The following LRRC4C variants were observed in gnomAD, a reference collection of about 807,000 sequenced individuals.
LRRC4C encodes leucine rich repeat containing 4C, also known as leucine-rich repeat-containing protein 4C.
LRRC4C carries 5 observed loss-of-function variants against 33.6 expected under a neutral mutation model. That is an observed-to-expected ratio of 0.15 (90% CI 0.08 to 0.31). The LOEUF (loss-of-function observed/expected upper bound fraction) is 0.31. Among genes scored for constraint, LRRC4C ranks in the 10% least tolerant of loss-of-function variants. The probability of loss-of-function intolerance (pLI) is 1.00; values close to 1 mark genes in which losing one functional copy is unlikely to be tolerated. For missense variants in LRRC4C, 560 were observed against 796.7 expected, an observed-to-expected ratio of 0.70 and a Z score of 3.58; for synonymous variants, 329 against 302.0, an observed-to-expected ratio of 1.09 and a Z score of -0.93.
At chr11:41,063,646 A>G (rs1024092182) in intron 1 of LRRC4C, among the ~76,000 whole-genome samples, 7 of 152,186 alleles carry the variant, frequency 4.6e-5, no homozygotes, top group Non-Finnish European at 8.8e-5. Context: ...CTTTATAAAG[A>G]GGAAAATGGA....
intron 3 of LRRC4C, among the ~76,000 whole-genome samples, chr11:40,405,291 G>A (rs1179044704): frequency 2.0e-5 from 3 of 151,910 alleles, no homozygotes; most frequent in East Asian, 1.9e-4. Flanking sequence ...GAAGGCATTC[G>A]GCCACCCAGC....
At chr11:41,171,502 C>T (rs538472147) in intron 1 of LRRC4C, among the ~76,000 whole-genome samples, 1 of 146,836 alleles carries the variant, frequency 6.8e-6, no homozygotes, top group African/African-American at 2.5e-5. Context: ...ATCGGAAGGA[C>T]AAAAAACCAA....
chr11:40,352,303 C>T (rs1947448069), intron 3 of LRRC4C, among the ~76,000 whole-genome samples: 1 of 151,702 alleles, frequency 6.6e-6, no homozygotes, highest in African/African-American at 2.4e-5. Flanking sequence ...TGAATAACAT[C>T]CTATAAACCA....
At chr11:40,334,606 G>C (rs755488181) in intron 3 of LRRC4C, among the ~76,000 whole-genome samples, 16 of 152,020 alleles carry the variant, frequency 1.1e-4, no homozygotes, top group Non-Finnish European at 8.8e-5. Context: ...AATGAACAAA[G>C]AATACTTCTG....
intron 3 of LRRC4C, among the ~76,000 whole-genome samples, chr11:40,596,596 A>T (rs1959332119): frequency 6.6e-6 from 1 of 151,608 alleles, no homozygotes; most frequent in Non-Finnish European, 1.5e-5. Context: ...TCCCCACTTT[A>T]TCCACCCCTC....
At chr11:40,972,849 TCA>T (rs945118228) in intron 1 of LRRC4C, among the ~76,000 whole-genome samples, 1 of 152,012 alleles carries the variant, frequency 6.6e-6, no homozygotes, top group Non-Finnish European at 1.5e-5. Flanking sequence ...CCAGACCATA[TCA>T]GTTACTATCT....
chr11:40,700,960 C>A (rs1945837725), intron 2 of LRRC4C, among the ~76,000 whole-genome samples: 1 of 152,134 alleles, frequency 6.6e-6, no homozygotes, highest in African/African-American at 2.4e-5. Flanking sequence ...CTCAAAGAAA[C>A]TGGAGAGTAC....
intron 5 of LRRC4C, among the ~76,000 whole-genome samples, chr11:40,211,426 A>G (rs1863599689): frequency 6.6e-6 from 1 of 152,260 alleles, no homozygotes; most frequent in Non-Finnish European, 1.5e-5. Context: ...TAAAACAAAC[A>G]AAATCATTAT....
chr11:41,423,578 A>G (rs950737309), intron 1 of LRRC4C, among the ~76,000 whole-genome samples: 6 of 152,068 alleles, frequency 3.9e-5, no homozygotes, highest in Non-Finnish European at 7.4e-5. Context: ...TATTCTGGAG[A>G]CATCATAGAC....
chr11:41,232,616 T>C lies in LRRC4C; in HGVS notation c.-496+226815A>G, dbSNP rs1199550639. On this transcript the variant is annotated intron_variant, in intron 1 of 6. Coordinates refer to ENST00000528697, the MANE Select transcript of LRRC4C (RefSeq NM_001258419.2). The stretch of plus-strand genomic sequence containing the variant: ...TCTAGTTATCAATAAATAATATGTG[T>C]ATGTGAATATATATATGCCCTCATC... Among the ~76,000 whole-genome samples, 8 of 152,200 alleles carry C rather than the reference T, an allele frequency of 5.3e-5. No individual in the cohort carries two copies. In the East Asian group the frequency reaches 1.5e-3, roughly 29 times the overall value.
At chr11:41,091,667 TAATA>T (rs1940426935) in intron 1 of LRRC4C, among the ~76,000 whole-genome samples, 1 of 152,142 alleles carries the variant, frequency 6.6e-6, no homozygotes, top group African/African-American at 2.4e-5. Context: ...AATAAAAGTA[TAATA>T]AATAGACATT....
chr11:41,406,431 G>T (rs561159619), intron 1 of LRRC4C, among the ~76,000 whole-genome samples: 33 of 152,150 alleles, frequency 2.2e-4, no homozygotes, highest in African/African-American at 7.5e-4. Flanking sequence ...TTTCAATTAA[G>T]ATTCTTCATC....
At chr11:40,811,210 G>T (rs1249568120) in intron 2 of LRRC4C, among the ~76,000 whole-genome samples, 1 of 151,682 alleles carries the variant, frequency 6.6e-6, no homozygotes, top group East Asian at 1.9e-4. Flanking sequence ...CTTCAAATGT[G>T]ACCTTCTAAA....
intron 3 of LRRC4C, among the ~76,000 whole-genome samples, chr11:40,488,829 T>G (rs1374418707): frequency 6.6e-6 from 1 of 152,134 alleles, no homozygotes; most frequent in Non-Finnish European, 1.5e-5. Flanking sequence ...CATCCTCACC[T>G]CATGAAGTAT....
At chr11:40,419,289 A>G (rs1466833122) in intron 3 of LRRC4C, among the ~76,000 whole-genome samples, 1 of 152,146 alleles carries the variant, frequency 6.6e-6, no homozygotes, top group African/African-American at 2.4e-5. Context: ...ATACTGAGAA[A>G]ATAACGGCTG....
At chr11:40,740,228 G>C (rs1036444903) in intron 2 of LRRC4C, among the ~76,000 whole-genome samples, 1 of 151,702 alleles carries the variant, frequency 6.6e-6, no homozygotes, top group Non-Finnish European at 1.5e-5. Flanking sequence ...TTAATTTTTT[G>C]ATGAACCTTC....
intron 1 of LRRC4C, among the ~76,000 whole-genome samples, chr11:41,033,820 T>C (rs1225485248): frequency 6.6e-6 from 1 of 152,140 alleles, no homozygotes; most frequent in Admixed American, 6.6e-5. Context: ...TTATCAAAAC[T>C]TCTTTTGAAA....
intron 1 of LRRC4C, among the ~76,000 whole-genome samples, chr11:41,198,633 A>AG (rs1946281298): frequency 2.0e-5 from 3 of 148,718 alleles, no homozygotes; most frequent in African/African-American, 7.3e-5. Context: ...AGGAAAAAAA[A>AG]GTATGGAGGG....
intron 1 of LRRC4C, among the ~76,000 whole-genome samples, chr11:41,277,253 C>A (rs1949513733): frequency 1.3e-5 from 2 of 152,194 alleles, no homozygotes; most frequent in South Asian, 2.1e-4. Flanking sequence ...ATGTAAAAAA[C>A]CCATTGCTTT....
Sources: allele counts gnomAD v4.1 joint callset (sites outside exome capture counted in the v4.1 genomes callset), GRCh38; gene constraint gnomAD v4.1.1; transcripts MANE v1.5; gene names NCBI Gene and HGNC (gene_info 2026-07-23, HGNC 2026-07-21).